GNAO1: variants seen among roughly 807,000 people sequenced by gnomAD.
The protein encoded by GNAO1 is guanine nucleotide-binding protein G(o) subunit alpha.
For missense variants in GNAO1, 166 were observed against 478.7 expected (o/e 0.35, Z 6.10); for synonymous variants, 164 against 180.7 (o/e 0.91, Z 0.74).
intron 6 of GNAO1, among the ~76,000 whole-genome samples, chr16:56,350,182 A>C (rs1596881249): frequency 6.7e-6 from 1 of 149,024 alleles, no homozygotes. Flanking sequence ...GGAGGAGGTC[A>C]TCTCCCCGTA....
At chr16:56,249,140 T>C (rs1411334060) in intron 2 of GNAO1, among the ~76,000 whole-genome samples, 2 of 152,110 alleles carry the variant, frequency 1.3e-5, no homozygotes, top group African/African-American at 2.4e-5. Context: ...TCCTTTCATA[T>C]TGAATGTAGG....
intron 2 of GNAO1, among the ~76,000 whole-genome samples, chr16:56,264,678 C>G (rs1299243607): frequency 6.6e-6 from 1 of 151,088 alleles, no homozygotes; most frequent in Non-Finnish European, 1.5e-5. Flanking sequence ...TTTAGAATAC[C>G]CTTTTATTCT....
At chr16:56,284,027 A>G (rs1219355692) in intron 3 of GNAO1, among the ~76,000 whole-genome samples, 1 of 152,216 alleles carries the variant, frequency 6.6e-6, no homozygotes, top group Non-Finnish European at 1.5e-5. Flanking sequence ...TTTCCATCTC[A>G]GCAGGCTGCT....
chr16:56,275,999 C>G lies in GNAO1; in HGVS notation c.230C>G (p.Thr77Ser). The G allele has an allele frequency of 6.2e-7, 1 of 1,613,926 alleles. No individual in the cohort carries two copies. Among genetic ancestry groups the G allele is most frequent in the Non-Finnish European group, 8.5e-7 (1 of 1,179,810 alleles). Residue 77 changes from threonine (T) to serine (S), a missense_variant, in exon 3 of 9, where the codon ACT (threonine) becomes AGT (serine). By Grantham distance (58) the Thr-to-Ser change is moderately conservative. Coordinates refer to ENST00000262493, the MANE Select transcript of GNAO1 (RefSeq NM_020988.3). Reference sequence around the variant, plus strand: ...TACAAGCCTGTTGTCTACAGCAACACTATCCAGTCCCTGGCAGCCATCGTC... The same window carrying G: ...TACAAGCCTGTTGTCTACAGCAACAGTATCCAGTCCCTGGCAGCCATCGTC... ...KQYKPVVYSNTIQSLAAIVRA... is the reference protein window; with the variant it reads ...KQYKPVVYSNSIQSLAAIVRA...
chr16:56,300,043 G>GCGCA (rs1555505526), intron 3 of GNAO1, among the ~76,000 whole-genome samples: 124 of 92,196 alleles, frequency 1.3e-3, no homozygotes, highest in African/African-American at 5.6e-3. Flanking sequence ...GTGTGCGCGC[G>GCGCA]CGCGCGCGCA....
chr16:56,273,763 C>T (rs2037037885), intron 2 of GNAO1, among the ~76,000 whole-genome samples: 1 of 152,182 alleles, frequency 6.6e-6, no homozygotes, highest in Non-Finnish European at 1.5e-5. Flanking sequence ...TAGCTCAGCC[C>T]CGTTGCTATG....
intron 3 of GNAO1, among the ~76,000 whole-genome samples, chr16:56,282,544 C>T (rs1175481511): frequency 6.6e-6 from 1 of 152,174 alleles, no homozygotes; most frequent in Non-Finnish European, 1.5e-5. Flanking sequence ...TGAACCTGTG[C>T]CATAAAGCCA....
chr16:56,232,117 A>T (rs1036218187), intron 2 of GNAO1, among the ~76,000 whole-genome samples: 1 of 148,704 alleles, frequency 6.7e-6, no homozygotes, highest in Non-Finnish European at 1.5e-5. Flanking sequence ...TGTCTGCTTT[A>T]AAAAAAAAAA....
At position 56,313,604 on chromosome 16, in the gene GNAO1, C is replaced by T. The variant is rs142660673; in HGVS notation, c.304-15027C>T. Among the ~76,000 whole-genome samples, 5 of 152,282 alleles carry T rather than the reference C, an allele frequency of 3.3e-5. No homozygotes were observed. In the East Asian group the frequency reaches 9.6e-4, roughly 29 times the overall value. ...GAAGAAAAATTTGGCCCCACACGAA[C>T]AGGGAAGGAGTATTTTACTAGCCTT... On this transcript the variant is annotated intron_variant, in intron 3 of 8. Coordinates refer to ENST00000262493, the MANE Select transcript of GNAO1 (RefSeq NM_020988.3).
chr16:56,315,242 C>G (rs564687996), intron 3 of GNAO1, among the ~76,000 whole-genome samples: 1 of 152,376 alleles, frequency 6.6e-6, no homozygotes, highest in South Asian at 2.1e-4. Context: ...TGTAATTAAA[C>G]TATTCACCAT....
intron 3 of GNAO1, among the ~76,000 whole-genome samples, chr16:56,322,176 G>A (rs1203805457): frequency 6.6e-5 from 10 of 152,246 alleles, no homozygotes; most frequent in Admixed American, 2.0e-4. Context: ...ATCTCCGAAC[G>A]CCAGCATCTT....
At chr16:56,289,698 G>A (rs2037211369) in intron 3 of GNAO1, among the ~76,000 whole-genome samples, 1 of 152,126 alleles carries the variant, frequency 6.6e-6, no homozygotes, top group African/African-American at 2.4e-5. Flanking sequence ...GAGGGGGTAC[G>A]GAGGCCAGGG....
chr16:56,199,228 C>T (rs1019076140), intron 2 of GNAO1, among the ~76,000 whole-genome samples: 1 of 152,204 alleles, frequency 6.6e-6, no homozygotes, highest in African/African-American at 2.4e-5. Flanking sequence ...TGCAGAATAG[C>T]AACCTCAGCC....
chr16:56,336,672 T>C, intron 5 of GNAO1, 59 bp from the exon 6 acceptor site: 3 of 1,520,072 alleles, frequency 2.0e-6, no homozygotes, highest in Non-Finnish European at 2.7e-6. Context: ...CACAGCTTAA[T>C]CCCCAGGCAG....
At chr16:56,273,659 G>C (rs1367742658) in intron 2 of GNAO1, among the ~76,000 whole-genome samples, 2 of 152,146 alleles carry the variant, frequency 1.3e-5, no homozygotes, top group African/African-American at 4.8e-5. Flanking sequence ...TTATTCTCCA[G>C]GTAGTTAAGT....
intron 6 of GNAO1, among the ~76,000 whole-genome samples, chr16:56,343,323 T>C (rs1274268054): frequency 7.0e-6 from 1 of 142,392 alleles, no homozygotes; most frequent in East Asian, 2.0e-4. Flanking sequence ...ATCCCATCTG[T>C]ATTAAAAATA....
intron 4 of GNAO1, 25 bp downstream of exon 4, chr16:56,328,816 C>A: frequency 1.2e-6 from 2 of 1,610,288 alleles, no homozygotes; most frequent in Non-Finnish European, 1.7e-6. Flanking sequence ...GGGCGCATGG[C>A]CTGGAGCCGG....
intron 3 of GNAO1, among the ~76,000 whole-genome samples, chr16:56,300,043 G>A (rs1048350360): frequency 2.5e-4 from 23 of 92,198 alleles, no homozygotes; most frequent in East Asian, 1.8e-3. Flanking sequence ...GTGTGCGCGC[G>A]CGCGCGCGCA....
At chr16:56,213,797 G>A (rs552335755) in intron 2 of GNAO1, among the ~76,000 whole-genome samples, 1 of 152,094 alleles carries the variant, frequency 6.6e-6, no homozygotes, top group East Asian at 1.9e-4. Flanking sequence ...GTCTGCCCGT[G>A]TGCAAACCAC....
Sources: gnomAD v4.1 joint callset for allele counts (sites outside exome capture counted in the v4.1 genomes callset) on GRCh38, gnomAD v4.1.1 for gene constraint, MANE v1.5 for transcripts, NCBI Gene and HGNC (gene_info 2026-07-23, HGNC 2026-07-21) for gene names.